The following SORL1 variants were observed in gnomAD, a reference collection of about 807,000 sequenced individuals.
SORL1 encodes the protein sortilin-related receptor.
Under a neutral mutation model 273.7 loss-of-function variants are expected in SORL1, and 127 were observed. The observed-to-expected ratio is 0.46, with a 90% CI of 0.40 to 0.54. The LOEUF (loss-of-function observed/expected upper bound fraction) is 0.54, where lower values mean the gene tolerates loss of function less well. Ranked by LOEUF, SORL1 falls within the 20% of genes least tolerant of loss-of-function variation. SORL1 has a pLI of 0.00. For synonymous variants in SORL1, 1,031 were observed against 1,067.4 expected (o/e 0.97, Z 0.66); for missense variants, 2,494 against 2,846.1 (o/e 0.88, Z 2.81).
chr11:121,467,752 G>T (rs1194378699), intron 1 of SORL1, among the ~76,000 whole-genome samples: 1 of 152,172 alleles, frequency 6.6e-6, no homozygotes, highest in Non-Finnish European at 1.5e-5. Flanking sequence ...GACCGGAGGA[G>T]ATTCCTTTAG....
intron 1 of SORL1, among the ~76,000 whole-genome samples, chr11:121,458,338 G>C (rs1279630587): frequency 6.6e-6 from 1 of 152,138 alleles, no homozygotes; most frequent in African/African-American, 2.4e-5. Flanking sequence ...ATAATTGAGA[G>C]TTGATAAAAA....
At chr11:121,455,185 G>A (rs2134760938) in intron 1 of SORL1, among the ~76,000 whole-genome samples, 1 of 152,178 alleles carries the variant, frequency 6.6e-6, no homozygotes, top group East Asian at 1.9e-4. Flanking sequence ...TGCAGATACA[G>A]GCATGTCAAT....
intron 6 of SORL1, among the ~76,000 whole-genome samples, chr11:121,512,638 G>A (rs148924956): frequency 1.4e-3 from 210 of 152,310 alleles, no homozygotes; most frequent in African/African-American, 4.7e-3. Context: ...TTTGGGGGCC[G>A]TAGGCTCCTC....
chr11:121,627,426 C>T lies in SORL1; in HGVS notation c.6365-129C>T, dbSNP rs1029392749. The T allele has an allele frequency of 2.7e-6, 2 of 737,378 alleles. No individual in the cohort carries two copies. The highest frequency in any genetic ancestry group is 4.7e-6 in the Non-Finnish European group (2 of 425,022). 45.7% of individuals were successfully genotyped at this position (737,378 alleles called of 1,614,324 possible). On this transcript the variant is annotated intron_variant, in intron 46 of 47. Transcript: ENST00000260197. This position sits in a 1 kb window ranked among gnomAD's most constrained non-coding sequence, Gnocchi z 4.9. ...ATCACGCACATGCAGAAACGTCTCA[C>T]ACCAGACAGGCAGTTTGTGTAGCTG...
At chr11:121,520,101 A>G (rs1862017452) in intron 8 of SORL1, among the ~76,000 whole-genome samples, 1 of 152,138 alleles carries the variant, frequency 6.6e-6, no homozygotes, top group Non-Finnish European at 1.5e-5. Context: ...AAAATAAAAA[A>G]AATTAGCTGG....
chr11:121,479,317 T>TTG (rs1477603454), intron 3 of SORL1, among the ~76,000 whole-genome samples: 1 of 152,168 alleles, frequency 6.6e-6, no homozygotes, highest in African/African-American at 2.4e-5. Flanking sequence ...TTCCCCACTC[T>TTG]TGTGTTACCG....
At chr11:121,493,229 C>G (rs1861581734) in intron 5 of SORL1, among the ~76,000 whole-genome samples, 1 of 152,092 alleles carries the variant, frequency 6.6e-6, no homozygotes, top group Admixed American at 6.5e-5. Context: ...ATCCTCCCAC[C>G]TTGGCCTTCC....
At position 121,622,146 on chromosome 11, in the gene SORL1, C is replaced by G. The variant is rs1374738748; in HGVS notation, c.6065-16C>G. The G allele has an allele frequency of 1.4e-6, 2 of 1,409,154 alleles. No homozygotes were observed. Among genetic ancestry groups the G allele is most frequent in the Admixed American group, 1.7e-5 (1 of 58,974 alleles). 87.3% of individuals were successfully genotyped at this position (1,409,154 alleles called of 1,614,324 possible). On this transcript the variant is annotated splice_polypyrimidine_tract_variant and intron_variant, in intron 44 of 47. Transcript: ENST00000260197. Reference sequence around the variant, plus strand: ...TATATCCACTAACCGCATCCCATCTCATCTTTAATTTTCAGTTTCATTATC... The same window carrying G: ...TATATCCACTAACCGCATCCCATCTGATCTTTAATTTTCAGTTTCATTATC...
At chr11:121,544,360 C>G (rs1862392337) in intron 13 of SORL1, among the ~76,000 whole-genome samples, 1 of 152,128 alleles carries the variant, frequency 6.6e-6, no homozygotes, top group African/African-American at 2.4e-5. Context: ...TGGCTGATAT[C>G]CCAACCAGAA....
At chr11:121,599,463 G>C (rs1158613669) in intron 32 of SORL1, among the ~76,000 whole-genome samples, 3 of 152,228 alleles carry the variant, frequency 2.0e-5, no homozygotes, top group African/African-American at 7.2e-5. Flanking sequence ...AGAATTGCTT[G>C]AACCCGGGAG....
chr11:121,482,167 G>T (rs1028894889), intron 3 of SORL1, among the ~76,000 whole-genome samples: 23 of 152,300 alleles, frequency 1.5e-4, no homozygotes, highest in African/African-American at 5.3e-4. Context: ...GCAGGCAGAG[G>T]ACTGGGGCTT....
intron 6 of SORL1, among the ~76,000 whole-genome samples, chr11:121,500,353 A>T (rs985654348): frequency 6.6e-6 from 1 of 152,226 alleles, no homozygotes; most frequent in Non-Finnish European, 1.5e-5. Flanking sequence ...GTAAGCAAAG[A>T]CATGATCTGT....
rs1266773914 is a variant in SORL1 at position 121,627,843 on chromosome 11, C to T, written c.6577+76C>T. ...CAGCCAATGACTTGATTAGGAAACA[C>T]CCACCTTCAGCTCCTCTTTTGACCC... On this transcript the variant is annotated intron_variant, in intron 47 of 47. Transcript: ENST00000260197. This position sits in a 1 kb window ranked among gnomAD's most constrained non-coding sequence, Gnocchi z 4.9. 4.0e-6 allele frequency: 4 copies of T among 990,536 alleles called. No homozygotes were observed. The highest frequency in any genetic ancestry group is 4.6e-5 in the Admixed American group (2 of 43,428). The allele number at this position is 990,536 out of a possible 1,614,324, so 61.4% of individuals were successfully genotyped here.
intron 5 of SORL1, 36 bp from the exon 6 acceptor site, chr11:121,496,833 G>T (rs1462251584): frequency 6.4e-7 from 1 of 1,567,494 alleles, no homozygotes; most frequent in South Asian, 1.2e-5. Context: ...AATTAAATGT[G>T]CAAATGATAA....
rs928436297 is a variant in SORL1, at chr11:121,583,344, C to T, written c.3581-114C>T. 9.7e-6 allele frequency: 12 copies of T among 1,231,150 alleles called. No homozygotes were observed. The African/African-American group carries it at 1.4e-4, about 15-fold the overall frequency. 76.3% of individuals were successfully genotyped at this position (1,231,150 alleles called of 1,614,324 possible). A position where few individuals can be genotyped will look rare whatever the true frequency, so the allele number is the denominator to read the frequency against. Reference sequence around the variant, plus strand: ...CCAAGGAGAAACCCAGATGCTCCCACAGTTCAGACCTTATTCCTACCTCAT... The same window carrying T: ...CCAAGGAGAAACCCAGATGCTCCCATAGTTCAGACCTTATTCCTACCTCAT... On this transcript the variant is annotated intron_variant, in intron 25 of 47. Coordinates refer to ENST00000260197, the MANE Select transcript of SORL1 (RefSeq NM_003105.6).
chr11:121,570,755 T>C (rs551755467), intron 23 of SORL1, among the ~76,000 whole-genome samples: 2 of 152,348 alleles, frequency 1.3e-5, no homozygotes, highest in Admixed American at 1.3e-4. Flanking sequence ...TAGTAATGCA[T>C]AGCTTGGCCT....
At position 121,557,418 on chromosome 11, in the gene SORL1, C is replaced by G. The variant is rs756908274; in HGVS notation, c.2663+13C>G. ...TGCCCCAAGAGGGGTAAGTGTTGCCCCAAAAGGAAATCAGTCTTGCGTCCA... is the reference window on the plus strand; with the variant it reads ...TGCCCCAAGAGGGGTAAGTGTTGCCGCAAAAGGAAATCAGTCTTGCGTCCA... On this transcript the variant is annotated intron_variant, in intron 19 of 47. Transcript: ENST00000260197. The G allele has an allele frequency of 2.5e-6, 4 of 1,595,628 alleles. No homozygotes were observed. The East Asian group carries it at 6.7e-5, about 27-fold the overall frequency.
chr11:121,582,980 T>TGAGCA, intron 25 of SORL1, among the ~76,000 whole-genome samples: 1 of 152,360 alleles, frequency 6.6e-6, no homozygotes, highest in African/African-American at 2.4e-5. Context: ...CTCCGTCTCC[T>TGAGCA]GAGCACAGGC....
In SORL1 at chr11:121,509,867, A is replaced by G. The variant is rs751234384; in HGVS notation, c.940-3136A>G. Among the ~76,000 whole-genome samples the G allele has an allele frequency of 2.0e-5, 3 of 152,234 alleles. No homozygotes were observed. In the South Asian group the frequency reaches 6.2e-4, roughly 32 times the overall value. On this transcript the variant is annotated intron_variant, in intron 6 of 47. Coordinates refer to ENST00000260197, the MANE Select transcript of SORL1 (RefSeq NM_003105.6). The stretch of plus-strand genomic sequence containing the variant: ...CTCTATAAGATTGAATTAGATTCAA[A>G]TATTTAAATCATTTCTACTAGTTGA...
Sources: gnomAD v4.1 joint callset for allele counts (sites outside exome capture counted in the v4.1 genomes callset) on GRCh38, gnomAD v4.1.1 for gene constraint, Gnocchi (gnomAD v3.1) non-coding constraint, MANE v1.5 for transcripts, NCBI Gene and HGNC (gene_info 2026-07-23, HGNC 2026-07-21) for gene names.